PLXND1: variants seen among roughly 807,000 people sequenced by gnomAD.
The protein encoded by PLXND1 is plexin D1, also known as plexin-D1.
Under a neutral mutation model 197.7 loss-of-function variants are expected in PLXND1, and 54 were observed. That is an observed-to-expected ratio of 0.27 (90% CI 0.22 to 0.34). The LOEUF is 0.34. Ranked by LOEUF, PLXND1 falls within the 10% of genes least tolerant of loss-of-function variation. PLXND1 has a pLI of 1.00. For missense variants in PLXND1, 2,127 were observed against 2,699.2 expected (o/e 0.79, Z 4.70); for synonymous variants, 1,180 against 1,161.2 (o/e 1.02, Z -0.33).
intron 19 of PLXND1, 171 bp downstream of exon 19, chr3:129,570,615 G>A: frequency 4.5e-6 from 3 of 665,562 alleles, no homozygotes; most frequent in Non-Finnish European, 7.8e-6. Flanking sequence ...AAGTTCTTGG[G>A]CCTCAGTTTC....
rs1384667711 is a variant in PLXND1 at position 129,565,221 on chromosome 3, C to G, written c.4521+119G>C. ...GGCCTGGCCTGTCTCATGCAACACT[C>G]CCTCCTGGCAGAGCTGGCCTGAGGG... On this transcript the variant is annotated intron_variant, in intron 25 of 35. Coordinates refer to ENST00000324093, the MANE Select transcript of PLXND1 (RefSeq NM_015103.3). The G allele has an allele frequency of 1.1e-5, 9 of 791,694 alleles. No individual in the cohort carries two copies. The Admixed American group carries it at 1.6e-4, about 14-fold the overall frequency. 49.0% of individuals were successfully genotyped at this position (791,694 alleles called of 1,614,324 possible).
chr3:129,565,262 G>T, intron 25 of PLXND1, 78 bp downstream of exon 25: 1 of 1,252,762 alleles, frequency 8.0e-7, no homozygotes. Context: ...GGGAAGGCCT[G>T]GGAGGCCGTG....
chr3:129,582,651 G>A (rs528177678), intron 8 of PLXND1, among the ~76,000 whole-genome samples: 7 of 152,340 alleles, frequency 4.6e-5, no homozygotes, highest in South Asian at 4.1e-4. Flanking sequence ...ATCCTGGCAC[G>A]GGCTGCGGTG....
rs981533995 is a variant in PLXND1 at position 129,577,664 on chromosome 3, C to T, written c.2346+665G>A. 1.3e-5 allele frequency among the ~76,000 whole-genome samples: 2 copies of T among 152,098 alleles called. No individual in the cohort carries two copies. Among genetic ancestry groups the T allele is most frequent in the Middle Eastern group, 3.2e-3 (1 of 316 alleles). The stretch of plus-strand genomic sequence containing the variant: ...GGGTGGCTGGCACGCCTCCAGGACT[C>T]GTCAACGCTTCCCACCCAGGACGCG... On this transcript the variant is annotated intron_variant, in intron 9 of 35. Coordinates refer to ENST00000324093, the MANE Select transcript of PLXND1 (RefSeq NM_015103.3). The surrounding 1 kb of genome is among the most constrained non-coding windows in gnomAD (Gnocchi z 5.0).
At chr3:129,601,898 A>C (rs2085713744) in intron 1 of PLXND1, among the ~76,000 whole-genome samples, 1 of 152,038 alleles carries the variant, frequency 6.6e-6, no homozygotes, top group African/African-American at 2.4e-5. Context: ...CCATCTCCCC[A>C]CTGCCATCTG....
At chr3:129,559,565 T>C (rs761434113) in intron 32 of PLXND1, 55 bp downstream of exon 32, 9 of 1,452,332 alleles carry the variant, frequency 6.2e-6, no homozygotes, top group Non-Finnish European at 8.4e-6. Context: ...CTGAACCCCC[T>C]GCCACAGGGG....
intron 1 of PLXND1, among the ~76,000 whole-genome samples, chr3:129,601,527 C>T (rs1327904054): frequency 1.3e-5 from 2 of 152,190 alleles, no homozygotes; most frequent in African/African-American, 4.8e-5. Context: ...ACTTGCAGGT[C>T]ATTCGGCCCT....
Position 129,575,543 on chromosome 3 carries a change from C to A in PLXND1, c.2456G>T (p.Ser819Ile). 1 of 1,556,784 alleles carries A rather than the reference C, an allele frequency of 6.4e-7. No homozygotes were observed. Among genetic ancestry groups the A allele is most frequent in the Admixed American group, 1.9e-5 (1 of 51,704 alleles). Residue 819 changes from serine (S) to isoleucine (I), a missense_variant, in exon 11 of 36, where the codon AGC (serine) becomes ATC (isoleucine). By Grantham distance (142) the Ser-to-Ile change is moderately radical. Transcript: ENST00000324093. ...TTGGAGGCTGAGCGGGAACACCTGG[C>A]TCTTCCGGGTCGTGTGCAGCTGCAA... ...DQVVLHTTRK[S>I]QVFPLSLQLK... is the part of the protein sequence containing the mutation.
At chr3:129,595,033 G>A (rs1247670624) in intron 1 of PLXND1, among the ~76,000 whole-genome samples, 1 of 151,980 alleles carries the variant, frequency 6.6e-6, no homozygotes, top group Non-Finnish European at 1.5e-5. Context: ...CCCCGTCCCC[G>A]CCAACTCCTC....
chr3:129,562,656 C>A, intron 27 of PLXND1, 131 bp downstream of exon 27: 2 of 773,926 alleles, frequency 2.6e-6, no homozygotes, highest in Non-Finnish European at 4.0e-6. Context: ...GCTGAGGGGG[C>A]CTCATTGGAT....
intron 1 of PLXND1, among the ~76,000 whole-genome samples, chr3:129,598,094 C>T (rs1021151652): frequency 6.6e-6 from 1 of 152,184 alleles, no homozygotes; most frequent in Non-Finnish European, 1.5e-5. Context: ...CCGCAGCCCA[C>T]ATGACAGCAT....
intron 15 of PLXND1, among the ~76,000 whole-genome samples, chr3:129,572,139 C>T (rs1318075569): frequency 6.6e-6 from 1 of 152,190 alleles, no homozygotes; most frequent in African/African-American, 2.4e-5. Context: ...CAATCCTAGC[C>T]CCACTGGATG....
chr3:129,566,471 G>A (rs533517858), intron 23 of PLXND1, 56 bp downstream of exon 23: 67 of 1,044,060 alleles, frequency 6.4e-5, no homozygotes, highest in Admixed American at 2.5e-4. Context: ...GGGGACCCAG[G>A]GGGGAGCAGG....
intron 1 of PLXND1, among the ~76,000 whole-genome samples, chr3:129,592,969 A>T (rs2085568493): frequency 6.6e-6 from 1 of 152,238 alleles, no homozygotes; most frequent in Non-Finnish European, 1.5e-5. Flanking sequence ...GTCTCCAGGG[A>T]CAGTTAGCCT....
chr3:129,600,068 A>G (rs755034631), intron 1 of PLXND1, among the ~76,000 whole-genome samples: 3 of 152,208 alleles, frequency 2.0e-5, no homozygotes, highest in Non-Finnish European at 2.9e-5. Flanking sequence ...TATTCACTCC[A>G]AGGAGCCCAC....
At chr3:129,604,106 A>C (rs1162208916) in intron 1 of PLXND1, among the ~76,000 whole-genome samples, 1 of 152,126 alleles carries the variant, frequency 6.6e-6, no homozygotes, top group Non-Finnish European at 1.5e-5. Context: ...GTCAACACAC[A>C]TGCTGATTCC....
rs745439011 is a variant in PLXND1 at position 129,567,533 on chromosome 3, G to A, written c.4045C>T (p.Leu1349=). Residue 1349 remains leucine, a synonymous_variant, in exon 22 of 36, where the codon CTG becomes TTG. Coordinates refer to ENST00000324093, the MANE Select transcript of PLXND1 (RefSeq NM_015103.3). ...CGGGTCACGAAGTGCTTATACTCCAGGAAGGGGATGCCCTGGCTGCGGTTC... is the reference window on the plus strand; with the variant it reads ...CGGGTCACGAAGTGCTTATACTCCAAGAAGGGGATGCCCTGGCTGCGGTTC... ...ELNRSQGIPF[L]EYKHFVTRTF... The A allele has an allele frequency of 1.2e-6, 2 of 1,611,114 alleles. No individual in the cohort carries two copies. Among genetic ancestry groups the A allele is most frequent in the Non-Finnish European group, 8.5e-7 (1 of 1,178,330 alleles).
Position 129,566,036 on chromosome 3 carries a change from A to G in PLXND1, c.4192-19T>C, listed in dbSNP as rs2085135215. ...CAGGAATCTGTGGAAGCAACTGGTG[A>G]TGGGGTGTCCAGAGGGGCCCAGTGT... On this transcript the variant is annotated intron_variant, in intron 23 of 35. Coordinates refer to ENST00000324093, the MANE Select transcript of PLXND1 (RefSeq NM_015103.3). The G allele has an allele frequency of 6.2e-7, 1 of 1,613,792 alleles. No individual in the cohort carries two copies. The highest frequency in any genetic ancestry group is 1.7e-5 in the Admixed American group (1 of 59,992).
rs1286092293 is a variant in PLXND1, at chr3:129,577,599, T to C, written c.2346+730A>G. On this transcript the variant is annotated intron_variant, in intron 9 of 35. Transcript: ENST00000324093. This position sits in a 1 kb window ranked among gnomAD's most constrained non-coding sequence, Gnocchi z 5.0. ...GCTCTCACGGGCCTCAGCTCCTCCA[T>C]GGAAGTAACAGATGGCGAGTTCCAG... is the stretch of plus-strand genomic sequence containing the variant. Among the ~76,000 whole-genome samples the C allele has an allele frequency of 6.6e-6, 1 of 151,942 alleles. No homozygotes were observed. The highest frequency in any genetic ancestry group is 2.4e-5 in the African/African-American group (1 of 41,404).
Sources: gnomAD v4.1 joint callset for allele counts (sites outside exome capture counted in the v4.1 genomes callset) on GRCh38, gnomAD v4.1.1 for gene constraint, Gnocchi (gnomAD v3.1) non-coding constraint, MANE v1.5 for transcripts, NCBI Gene and HGNC (gene_info 2026-07-23, HGNC 2026-07-21) for gene names.